MCFD2: variants seen among roughly 807,000 people sequenced by gnomAD.
MCFD2 encodes the protein multiple coagulation factor deficiency protein 2.
A neutral mutation model predicts 12.8 loss-of-function variants in MCFD2; 11 were observed. The observed-to-expected ratio is 0.86, with a 90% confidence interval of 0.54 to 1.42. The LOEUF is 1.42. Ranked by LOEUF, MCFD2 falls within the 40% of genes most tolerant of loss-of-function variation. The pLI is 0.00. For synonymous variants in MCFD2, 70 were observed against 68.1 expected, an observed-to-expected ratio of 1.03 and a Z score of -0.14; for missense variants, 191 against 178.6, an observed-to-expected ratio of 1.07 and a Z score of -0.40.
chr2:46,914,141 T>C (rs1668596948), intron 1 of MCFD2: 1 of 152,464 alleles, frequency 6.6e-6, no homozygotes, highest in South Asian at 2.1e-4. Context: ...CTAGGTGTAT[T>C]GTTCCCTATC....
chr2:46,920,444 C>T (rs1669043857), upstream of MCFD2, among the ~76,000 whole-genome samples: 1 of 152,052 alleles, frequency 6.6e-6, no homozygotes. Flanking sequence ...GTTCTCCTGC[C>T]TCAGCCTCCC....
At chr2:46,914,572 A>C (rs936794300) in intron 1 of MCFD2, among the ~76,000 whole-genome samples, 4 of 152,198 alleles carry the variant, frequency 2.6e-5, no homozygotes, top group African/African-American at 9.6e-5. Context: ...CCCAAGGAGC[A>C]CCCATGCTGC....
chr2:46,909,073 G>T lies in MCFD2; in HGVS notation c.99C>A (p.Phe33Leu). The T allele has an allele frequency of 6.2e-7, 1 of 1,614,244 alleles. No homozygotes were observed. Among genetic ancestry groups the T allele is most frequent in the Non-Finnish European group, 8.5e-7 (1 of 1,180,044 alleles). The stretch of plus-strand genomic sequence containing the variant: ...CCAGGCCCATGCTGCCGGGTTGGGA[G>T]AAGCTGGCTGCAGGCTCCTCAGCCC... ...GARAEEPAASFSQPGSMGLDK... is the reference protein window; with the variant it reads ...GARAEEPAASLSQPGSMGLDK... The change falls in exon 2 of 4, where the codon TTC (phenylalanine) becomes TTA (leucine). Residue 33 changes from phenylalanine to leucine, a missense_variant. Transcript: ENST00000319466.
At chr2:46,924,586 T>C (rs888953021) in intron 1 of MCFD2, among the ~76,000 whole-genome samples, 25 of 152,148 alleles carry the variant, frequency 1.6e-4, no homozygotes. Flanking sequence ...ATATACCATG[T>C]GATATTCATA....
chr2:46,926,124 C>T (rs1024820789), intron 1 of MCFD2, among the ~76,000 whole-genome samples: 1 of 152,198 alleles, frequency 6.6e-6, no homozygotes, highest in East Asian at 1.9e-4. Context: ...CAGAAATCAG[C>T]ATTTCTTAGC....
At chr2:46,915,542 G>A (rs1468527188) in intron 1 of MCFD2, among the ~76,000 whole-genome samples, 181 bp downstream of exon 1, 1 of 152,160 alleles carries the variant, frequency 6.6e-6, no homozygotes, top group Non-Finnish European at 1.5e-5. Flanking sequence ...CCCCGGTGGG[G>A]CACAGGCTTC....
At chr2:46,909,206 G>T in intron 1 of MCFD2, 29 bp from the exon 2 acceptor site, 1 of 1,604,652 alleles carries the variant, frequency 6.2e-7, no homozygotes. Context: ...AGAAGAGGAA[G>T]GCAGAGCATC....
intron 1 of MCFD2, among the ~76,000 whole-genome samples, chr2:46,934,610 A>G (rs752037998): frequency 3.3e-5 from 5 of 151,776 alleles, no homozygotes; most frequent in Non-Finnish European, 7.4e-5. Context: ...ACTGCTTTTT[A>G]TTCTCTAAAA....
At chr2:46,917,272 A>G (rs1310742020), upstream of MCFD2, 2 of 688,058 alleles carry the variant, frequency 2.9e-6, no homozygotes, top group Non-Finnish European at 5.3e-6. Flanking sequence ...TGCTGGGATT[A>G]CAGGGGTGAG....
In MCFD2 at chr2:46,902,497, C is replaced by T. The variant is rs932810776; in HGVS notation, c.*2966G>A. 7 of 152,756 alleles carry T rather than the reference C, an allele frequency of 4.6e-5. No homozygotes were observed. The highest frequency in any genetic ancestry group is 1.9e-4 in the East Asian group (1 of 5,190). The allele number at this position is 152,756 out of a possible 1,614,324, so 9.5% of individuals were successfully genotyped here. On this transcript the variant is annotated 3_prime_UTR_variant, in exon 4 of 4. Transcript: ENST00000319466. ...AAACCACTATTGATTAGAGAACACA[C>T]TCAAATTCAGGGTCTCTCCCAGGTT...
intron 1 of MCFD2, among the ~76,000 whole-genome samples, chr2:46,910,187 A>G (rs1228132069): frequency 6.6e-6 from 1 of 152,196 alleles, no homozygotes; most frequent in Non-Finnish European, 1.5e-5. Flanking sequence ...TCAGCTACAG[A>G]GCAAGCTCTT....
intron 1 of MCFD2, among the ~76,000 whole-genome samples, chr2:46,932,900 CAA>C (rs34183870): frequency 8.6e-5 from 6 of 69,380 alleles, no homozygotes; most frequent in Admixed American, 3.3e-4. Flanking sequence ...GACTCCATCT[CAA>C]AAAAAAAAAA....
intron 1 of MCFD2, 73 bp downstream of exon 1, chr2:46,915,650 G>T: frequency 1.9e-6 from 1 of 528,954 alleles, no homozygotes; most frequent in Non-Finnish European, 2.4e-6. Flanking sequence ...CTCTCATCTT[G>T]AGCCCAAGCC....
At chr2:46,929,434 T>C (rs1201995725) in intron 1 of MCFD2, among the ~76,000 whole-genome samples, 1 of 151,916 alleles carries the variant, frequency 6.6e-6, no homozygotes, top group East Asian at 1.9e-4. Flanking sequence ...CAGTGAGCTA[T>C]GATAGCGCAA....
At chr2:46,920,793 C>T (rs1669064203), upstream of MCFD2, among the ~76,000 whole-genome samples, 1 of 152,066 alleles carries the variant, frequency 6.6e-6, no homozygotes, top group South Asian at 2.1e-4. Flanking sequence ...TGGCAAACTT[C>T]TGAGGTCTCC....
rs556635666 is a variant in MCFD2, at chr2:46,906,725, C to T, written c.309+1085G>A. Among the ~76,000 whole-genome samples the T allele has an allele frequency of 5.9e-5, 9 of 152,106 alleles. No individual in the cohort carries two copies. The Middle Eastern group carries it at 0.01, about 172-fold the overall frequency. ...TTGGTCTTGAACTCCTGGGCTCAAG[C>T]GATCCTCCTGCCTCAACCTCCCAAA... On this transcript the variant is annotated intron_variant, in intron 3 of 3. Transcript: ENST00000319466.
rs546528694 is a variant in MCFD2, at chr2:46,940,860, C to T, written c.-8+712G>A. Reference sequence around the variant, plus strand: ...GGGGTTGGGGCCTGTCGGCCGGCCTCTCCCCATTTTTGTGACGTGTCAGGG... The same window carrying T: ...GGGGTTGGGGCCTGTCGGCCGGCCTTTCCCCATTTTTGTGACGTGTCAGGG... On this transcript the variant is annotated intron_variant, in intron 1 of 2. Coordinates refer to the MCFD2 transcript ENST00000409147. The surrounding 1 kb of genome is among the most constrained non-coding windows in gnomAD (Gnocchi z 4.7). 1.9e-3 allele frequency among the ~76,000 whole-genome samples: 292 copies of T among 152,198 alleles called. 1 individual carries two copies. The highest frequency in any genetic ancestry group is 3.4e-3 in the Non-Finnish European group (230 of 67,990).
At position 46,941,618 on chromosome 2, in the gene MCFD2, G is replaced by T; in HGVS notation, c.-54C>A. On this transcript the variant is annotated 5_prime_UTR_variant, in exon 1 of 3. Coordinates refer to the MCFD2 transcript ENST00000409147. The surrounding 1 kb of genome is among the most constrained non-coding windows in gnomAD (Gnocchi z 4.2). ...GAGCGCTGCCGCGCCGAGGGCCACT[G>T]GGACCGCATGCCGGAGCTGGTCCGG... 6.4e-7 allele frequency: 1 copy of T among 1,556,100 alleles called. No individual in the cohort carries two copies. The highest frequency in any genetic ancestry group is 1.2e-5 in the South Asian group (1 of 84,392).
Position 46,940,520 on chromosome 2 carries a change from GC to G in MCFD2, c.-8+1051del, listed in dbSNP as rs1670238793. On this transcript the variant is annotated intron_variant, in intron 1 of 2. Coordinates refer to the MCFD2 transcript ENST00000409147. This position sits in a 1 kb window ranked among gnomAD's most constrained non-coding sequence, Gnocchi z 4.7. ...ACAGCCCTGGGCTAAACCCTGCTAA[GC>G]ACTCCATAGAGCTTTGATCACAGTC... Among the ~76,000 whole-genome samples the G allele has an allele frequency of 6.6e-6, 1 of 152,206 alleles. No homozygotes were observed. Among genetic ancestry groups the G allele is most frequent in the African/African-American group, 2.4e-5 (1 of 41,462 alleles).
Sources: allele counts gnomAD v4.1 joint callset (sites outside exome capture counted in the v4.1 genomes callset), GRCh38; gene constraint gnomAD v4.1.1; non-coding constraint Gnocchi (gnomAD v3.1); transcripts MANE v1.5; gene names NCBI Gene and HGNC (gene_info 2026-07-23, HGNC 2026-07-21).